The following PTPN21 variants were observed in gnomAD, a reference collection of about 807,000 sequenced individuals.
PTPN21 encodes the protein tyrosine-protein phosphatase non-receptor type 21.
PTPN21 carries 77 observed loss-of-function variants against 131.8 expected under a neutral mutation model. That is an observed-to-expected ratio of 0.58 (90% confidence interval 0.49 to 0.71). PTPN21 has a LOEUF of 0.71. PTPN21 is among the 30% of genes least tolerant of loss of function. The pLI is 0.00. For synonymous variants in PTPN21, 715 were observed against 621.3 expected (o/e 1.15, Z -2.24); for missense variants, 1,552 against 1,527.1 (o/e 1.02, Z -0.27).
At chr14:88,518,226 C>CA (rs1172099704) in intron 2 of PTPN21, among the ~76,000 whole-genome samples, 208 of 11,074 alleles carry the variant, frequency 0.019, 63 homozygotes, top group South Asian at 0.023. Flanking sequence ...GAATCTACCT[C>CA]AAAAAAAAAA....
rs386382090 is a variant in PTPN21, at chr14:88,495,013, C to CAAAAAAAAAA, written c.932+1390_932+1399dup. On this transcript the variant is annotated intron_variant, in intron 10 of 18. Coordinates refer to ENST00000556564, the MANE Select transcript of PTPN21 (RefSeq NM_007039.4). ...GGGTGACAGAGCGAGACTCTGTCTC[C>CAAAAAAAAAA]AAAAAAAAAAAAAAAAAAAAAAAAA... Among the ~76,000 whole-genome samples the CAAAAAAAAAA allele has an allele frequency of 6.1e-5, 3 of 49,164 alleles. 1 individual carries two copies. The highest frequency in any genetic ancestry group is 1.1e-4 in the Non-Finnish European group (3 of 27,696). The allele number at this position is 49,164 out of a possible 152,430, so 32.3% of individuals were successfully genotyped here.
chr14:88,548,375 T>C (rs1271752510), intron 2 of PTPN21, among the ~76,000 whole-genome samples: 1 of 152,162 alleles, frequency 6.6e-6, no homozygotes, highest in Admixed American at 6.5e-5. Flanking sequence ...CAGACCAGCT[T>C]CCTCTGCGTC....
At chr14:88,499,622 G>A (rs1311493775) in intron 8 of PTPN21, among the ~76,000 whole-genome samples, 48 of 152,088 alleles carry the variant, frequency 3.2e-4, no homozygotes, top group Non-Finnish European at 1.5e-5. Flanking sequence ...ACCTACTGCT[G>A]ACAGTGTTAT....
rs532172236 is a variant in PTPN21 at position 88,518,836 on chromosome 14, A to G, written c.181-1575T>C. On this transcript the variant is annotated intron_variant, in intron 2 of 18. Coordinates refer to ENST00000556564, the MANE Select transcript of PTPN21 (RefSeq NM_007039.4). Reference sequence around the variant, plus strand: ...CACTACTCTTAGTTTTGGTTTCTATAAAAGAAATTATTTCATGTAAGTACC... The same window carrying G: ...CACTACTCTTAGTTTTGGTTTCTATGAAAGAAATTATTTCATGTAAGTACC... Among the ~76,000 whole-genome samples, 92 of 152,224 alleles carry G rather than the reference A, an allele frequency of 6.0e-4. 1 individual carries two copies. In the South Asian group the frequency reaches 0.017, roughly 29 times the overall value.
intron 3 of PTPN21, among the ~76,000 whole-genome samples, chr14:88,508,512 A>G (rs193213308): frequency 1.8e-4 from 27 of 152,298 alleles, no homozygotes; most frequent in Non-Finnish European, 2.9e-4. Context: ...ATATTAAAGT[A>G]TATGTGATGA....
Position 88,508,018 on chromosome 14 carries a change from T to C in PTPN21, c.353A>G (p.Tyr118Cys), listed in dbSNP as rs763207901. Residue 118 changes from tyrosine (Y) to cysteine (C), a missense_variant and splice_region_variant, in exon 4 of 19, where the codon TAT (tyrosine) becomes TGT (cysteine). Physicochemically the swap from Tyr to Cys is radical, Grantham distance 194. Around this residue, in one of 4 missense-constraint regions of PTPN21, gnomAD observed 206 missense variants for 221.6 expected, o/e 0.93. Coordinates refer to ENST00000556564, the MANE Select transcript of PTPN21 (RefSeq NM_007039.4). Reference sequence around the variant, plus strand: ...TTTCTTCAGTTGCAGATAATACTGATACCTATAAAAAATGTCAGTTGTATA... The same window carrying C: ...TTTCTTCAGTTGCAGATAATACTGACACCTATAAAAAATGTCAGTTGTATA... ...VSQLQQEITR[Y>C]QYYLQLKKDI... 2 of 1,550,436 alleles carry C rather than the reference T, an allele frequency of 1.3e-6. No individual in the cohort carries two copies. Among genetic ancestry groups the C allele is most frequent in the South Asian group, 2.3e-5 (2 of 87,436 alleles).
chr14:88,501,879 G>C (rs1029609174), intron 6 of PTPN21, among the ~76,000 whole-genome samples: 2 of 151,960 alleles, frequency 1.3e-5, no homozygotes, highest in African/African-American at 2.4e-5. Flanking sequence ...CAGCAGCTTG[G>C]AAGGCTGAGG....
intron 5 of PTPN21, among the ~76,000 whole-genome samples, chr14:88,504,697 G>GC (rs1007908984): frequency 6.6e-6 from 1 of 151,750 alleles, no homozygotes; most frequent in Non-Finnish European, 1.5e-5. Flanking sequence ...AAAAAAACTT[G>GC]CCCCACCTTC....
intron 2 of PTPN21, among the ~76,000 whole-genome samples, chr14:88,534,849 C>G (rs1448056251): frequency 1.3e-5 from 2 of 152,060 alleles, no homozygotes; most frequent in Non-Finnish European, 2.9e-5. Flanking sequence ...TGCACTCCAA[C>G]CTGGGCAACA....
At chr14:88,501,859 T>G (rs1395019815) in intron 6 of PTPN21, among the ~76,000 whole-genome samples, 4 of 151,332 alleles carry the variant, frequency 2.6e-5, no homozygotes, top group Admixed American at 2.6e-4. Context: ...GTGGTGCACA[T>G]CTATAGTCCC....
chr14:88,491,054 A>T (rs1365936324), intron 10 of PTPN21, among the ~76,000 whole-genome samples: 1 of 152,226 alleles, frequency 6.6e-6, no homozygotes, highest in Non-Finnish European at 1.5e-5. Flanking sequence ...TGACATTATT[A>T]TGTCATTTAA....
Position 88,497,187 on chromosome 14 carries a change from C to T in PTPN21, c.852+16G>A. 1 of 1,567,374 alleles carries T rather than the reference C, an allele frequency of 6.4e-7. No individual in the cohort carries two copies. The highest frequency in any genetic ancestry group is 1.1e-5 in the South Asian group (1 of 90,066). The stretch of plus-strand genomic sequence containing the variant: ...TTAGGAAAAACATTCCATGCAGACC[C>T]CTAATGTTTACTCACAGTTTGAAAT... On this transcript the variant is annotated intron_variant, in intron 9 of 18. Coordinates refer to ENST00000556564, the MANE Select transcript of PTPN21 (RefSeq NM_007039.4).
intron 2 of PTPN21, among the ~76,000 whole-genome samples, chr14:88,536,662 G>T (rs2078635963): frequency 6.6e-6 from 1 of 152,156 alleles, no homozygotes; most frequent in Non-Finnish European, 1.5e-5. Context: ...CTTTTTGGTT[G>T]TACTATTTTT....
intron 10 of PTPN21, among the ~76,000 whole-genome samples, chr14:88,493,512 G>A (rs576957038): frequency 1.3e-5 from 2 of 152,336 alleles, no homozygotes; most frequent in East Asian, 3.9e-4. Flanking sequence ...GACCTCAGGA[G>A]TCTGCCCTTA....
At chr14:88,533,719 C>T (rs1417062497) in intron 2 of PTPN21, among the ~76,000 whole-genome samples, 2 of 151,780 alleles carry the variant, frequency 1.3e-5, no homozygotes, top group Non-Finnish European at 2.9e-5. Flanking sequence ...CCCATCACAA[C>T]AAAAAATACA....
intron 13 of PTPN21, among the ~76,000 whole-genome samples, chr14:88,475,006 G>A (rs1351736340): frequency 2.0e-5 from 3 of 152,042 alleles, no homozygotes; most frequent in African/African-American, 7.2e-5. Context: ...GCAGGAGAAA[G>A]GCTTGAACCT....
At position 88,485,138 on chromosome 14, in the gene PTPN21, A is replaced by G. The variant is rs2077714221; in HGVS notation, c.1016T>C (p.Met339Thr). The G allele has an allele frequency of 6.2e-7, 1 of 1,605,410 alleles. No individual in the cohort carries two copies. The highest frequency in any genetic ancestry group is 1.1e-5 in the South Asian group (1 of 90,340). ...ATAGTGCAACTGCGGTGGGGGAGGC[A>G]TCACGTAGGGCTGGGGTTTAGGCTA... Reference protein sequence around the residue: ...MSLPKPQPYVMPPPPQLHYNG... With the variant: ...MSLPKPQPYVTPPPPQLHYNG... Residue 339 changes from methionine to threonine, a missense_variant, in exon 12 of 19, where the codon ATG becomes ACG. Transcript: ENST00000556564.
rs757315581 is a variant in PTPN21, at chr14:88,468,333, C to T, written c.3397-68G>A. On this transcript the variant is annotated intron_variant, in intron 18 of 18. Coordinates refer to ENST00000556564, the MANE Select transcript of PTPN21 (RefSeq NM_007039.4). ...GGGAGACAGAAAGGATGGGAGGACACGAGTGTCCTGGCAGAAACCTGGTTG... is the reference window on the plus strand; with the variant it reads ...GGGAGACAGAAAGGATGGGAGGACATGAGTGTCCTGGCAGAAACCTGGTTG... 3.1e-5 allele frequency: 44 copies of T among 1,441,664 alleles called. No homozygotes were observed. In the East Asian group the frequency reaches 5.5e-4, roughly 18 times the overall value. The allele number at this position is 1,441,664 out of a possible 1,614,324, so 89.3% of individuals were successfully genotyped here.
intron 2 of PTPN21, among the ~76,000 whole-genome samples, chr14:88,544,647 C>T (rs2078750546): frequency 6.6e-6 from 1 of 152,064 alleles, no homozygotes; most frequent in African/African-American, 2.4e-5. Flanking sequence ...TGGATGCAAC[C>T]TAGGTGTTTC....
Sources: allele counts gnomAD v4.1 joint callset (sites outside exome capture counted in the v4.1 genomes callset), GRCh38; gene constraint gnomAD v4.1.1; regional missense constraint gnomAD v4.1.1; transcripts MANE v1.5; gene names NCBI Gene and HGNC (gene_info 2026-07-23, HGNC 2026-07-21).